The following RPAP2 variants were observed in gnomAD, a reference collection of about 807,000 sequenced individuals.
RPAP2 encodes the protein RNA polymerase II associated protein 2.
RPAP2 carries 52 observed loss-of-function variants against 73.1 expected under a neutral mutation model. That is an observed-to-expected ratio of 0.71 (90% confidence interval 0.57 to 0.90). The LOEUF is 0.90. RPAP2 is among the 40% of genes least tolerant of loss of function. The pLI is 0.00. For missense variants in RPAP2, 598 were observed against 701.8 expected (o/e 0.85, Z 1.67); for synonymous variants, 225 against 242.1 (o/e 0.93, Z 0.65).
chr1:92,339,553 C>T (rs1653486305), intron 10 of RPAP2, among the ~76,000 whole-genome samples: 1 of 152,044 alleles, frequency 6.6e-6, no homozygotes, highest in Non-Finnish European at 1.5e-5. Flanking sequence ...GGCAGCCAGT[C>T]AATAATTTTA....
chr1:92,310,120 A>C (rs559238647), intron 6 of RPAP2, among the ~76,000 whole-genome samples: 8 of 152,346 alleles, frequency 5.3e-5, no homozygotes, highest in African/African-American at 1.9e-4. Context: ...ATCTATATAT[A>C]TGCATCTGCC....
At chr1:92,376,278 C>T (rs925291737) in intron 11 of RPAP2, among the ~76,000 whole-genome samples, 5 of 151,934 alleles carry the variant, frequency 3.3e-5, no homozygotes, top group Admixed American at 2.6e-4. Flanking sequence ...AGCCAATCCC[C>T]GACAGATACT....
intron 8 of RPAP2, among the ~76,000 whole-genome samples, chr1:92,328,001 T>C (rs932038715): frequency 2.0e-5 from 3 of 152,358 alleles, no homozygotes; most frequent in East Asian, 1.9e-4. Context: ...TTCTAGCTTA[T>C]AGGGTTTCTG....
chr1:92,353,359 C>A (rs1042948852), intron 11 of RPAP2, among the ~76,000 whole-genome samples: 23 of 152,132 alleles, frequency 1.5e-4, no homozygotes, highest in Non-Finnish European at 2.6e-4. Flanking sequence ...TCTCATCTTG[C>A]TTCACACCCA....
rs185244469 is a variant in RPAP2 at position 92,380,135 on chromosome 1, G to T, written c.1689-589G>T. ...TCTACCAAAAAAACGAAAATTAGCC[G>T]GGCGTGGTGGCAAGCACCTATAATC... is the stretch of plus-strand genomic sequence containing the variant. On this transcript the variant is annotated intron_variant, in intron 11 of 12. Coordinates refer to ENST00000610020, the MANE Select transcript of RPAP2 (RefSeq NM_024813.3). 3.6e-3 allele frequency among the ~76,000 whole-genome samples: 530 copies of T among 147,146 alleles called. 1 individual carries two copies. The highest frequency in any genetic ancestry group is 6.1e-3 in the Non-Finnish European group (408 of 66,706).
At chr1:92,312,620 A>G (rs1651658610) in intron 6 of RPAP2, among the ~76,000 whole-genome samples, 1 of 152,114 alleles carries the variant, frequency 6.6e-6, no homozygotes. Flanking sequence ...GGATTATGAG[A>G]TTGATGCAAT....
chr1:92,300,271 A>G (rs766047859), intron 2 of RPAP2, 32 bp downstream of exon 2: 2 of 1,534,946 alleles, frequency 1.3e-6, no homozygotes, highest in South Asian at 1.1e-5. Context: ...CTACATTGGC[A>G]TATCTACTTA....
In RPAP2 at chr1:92,388,931, G is replaced by A. The variant is rs182428178; in HGVS notation, c.*1920G>A. ...CCACCACAGCTCAGCAAGGCCTACTGTCTCTGTAGATTCCACCTCCAGGGG... is the reference window on the plus strand; with the variant it reads ...CCACCACAGCTCAGCAAGGCCTACTATCTCTGTAGATTCCACCTCCAGGGG... On this transcript the variant is annotated 3_prime_UTR_variant, in exon 13 of 13. Transcript: ENST00000610020. 2.6e-5 allele frequency: 4 copies of A among 152,446 alleles called. No homozygotes were observed. Among genetic ancestry groups the A allele is most frequent in the East Asian group, 1.9e-4 (1 of 5,176 alleles). 9.4% of individuals were successfully genotyped at this position (152,446 alleles called of 1,614,324 possible).
At chr1:92,300,903 AAATT>A (rs1233272354) in intron 2 of RPAP2, among the ~76,000 whole-genome samples, 1 of 152,034 alleles carries the variant, frequency 6.6e-6, no homozygotes, top group East Asian at 1.9e-4. Flanking sequence ...AAATAATAAT[AAATT>A]AATTAGTTAA....
intron 10 of RPAP2, among the ~76,000 whole-genome samples, chr1:92,345,042 T>C (rs906693995): frequency 8.5e-5 from 13 of 152,142 alleles, no homozygotes; most frequent in Non-Finnish European, 1.8e-4. Flanking sequence ...TTTACTTCTG[T>C]TTTTTTAAAA....
chr1:92,301,673 G>T, intron 3 of RPAP2, 83 bp downstream of exon 3: 1 of 520,170 alleles, frequency 1.9e-6, no homozygotes. Flanking sequence ...TGCATTATTA[G>T]AATCTTTGAA....
At position 92,387,074 on chromosome 1, in the gene RPAP2, C is replaced by A; in HGVS notation, c.*63C>A. 1 of 1,524,188 alleles carries A rather than the reference C, an allele frequency of 6.6e-7. No homozygotes were observed. 94.4% of individuals were successfully genotyped at this position (1,524,188 alleles called of 1,614,324 possible). ...TTCACCGTTTCTGGAATTCTAGCCGCCATGATGGTCTGGTGGTGACTGATA... is the reference window on the plus strand; with the variant it reads ...TTCACCGTTTCTGGAATTCTAGCCGACATGATGGTCTGGTGGTGACTGATA... On this transcript the variant is annotated 3_prime_UTR_variant, in exon 13 of 13. Coordinates refer to ENST00000610020, the MANE Select transcript of RPAP2 (RefSeq NM_024813.3).
At chr1:92,342,184 A>G (rs1025170843) in intron 10 of RPAP2, among the ~76,000 whole-genome samples, 3 of 152,194 alleles carry the variant, frequency 2.0e-5, no homozygotes, top group Non-Finnish European at 4.4e-5. Context: ...GCACTTTTTA[A>G]TAGGCTGGTT....
intron 6 of RPAP2, among the ~76,000 whole-genome samples, chr1:92,311,977 T>C (rs1380840691): frequency 6.6e-6 from 1 of 152,212 alleles, no homozygotes; most frequent in East Asian, 1.9e-4. Flanking sequence ...GTGGTGTCTA[T>C]AGGTTGGGAT....
In RPAP2 at chr1:92,371,311, AAAAAAAAAATAT is replaced by A. The variant is rs1366275511; in HGVS notation, c.1689-9411_1689-9400del. 9.1e-3 allele frequency among the ~76,000 whole-genome samples: 713 copies of A among 78,282 alleles called. 3 individuals carry two copies. In the East Asian group the frequency reaches 0.14, roughly 15 times the overall value. 51.4% of individuals were successfully genotyped at this position (78,282 alleles called of 152,430 possible). On this transcript the variant is annotated intron_variant, in intron 11 of 12. Transcript: ENST00000610020. ...TAGAGTGAGTCTCTGTCTCAAAAAA[AAAAAAAAAATAT>A]ATATATATATATATACCTACAGTAT... is the stretch of plus-strand genomic sequence containing the variant.
At chr1:92,325,059 A>G (rs1652547228) in intron 8 of RPAP2, among the ~76,000 whole-genome samples, 1 of 152,202 alleles carries the variant, frequency 6.6e-6, no homozygotes, top group African/African-American at 2.4e-5. Context: ...AGTACATGAC[A>G]TATAATTGGT....
At chr1:92,340,602 G>C (rs919805501) in intron 10 of RPAP2, among the ~76,000 whole-genome samples, 1 of 152,174 alleles carries the variant, frequency 6.6e-6, no homozygotes, top group African/African-American at 2.4e-5. Context: ...TAGAGATTGA[G>C]TTTCATTCGG....
At chr1:92,357,296 C>CA (rs1209794094) in intron 11 of RPAP2, among the ~76,000 whole-genome samples, 1 of 151,596 alleles carries the variant, frequency 6.6e-6, no homozygotes, top group African/African-American at 2.4e-5. Flanking sequence ...TGTTAAATGC[C>CA]AAAAAAGAAA....
intron 11 of RPAP2, among the ~76,000 whole-genome samples, chr1:92,379,255 C>T (rs1226371008): frequency 6.6e-6 from 1 of 152,062 alleles, no homozygotes; most frequent in Non-Finnish European, 1.5e-5. Flanking sequence ...TAAATATGCC[C>T]AGGCAAATAA....
Sources: allele counts gnomAD v4.1 joint callset (sites outside exome capture counted in the v4.1 genomes callset), GRCh38; gene constraint gnomAD v4.1.1; transcripts MANE v1.5; gene names NCBI Gene and HGNC (gene_info 2026-07-23, HGNC 2026-07-21).